Variants in EXT1 observed in about 807,000 individuals in gnomAD.
EXT1 encodes the protein exostosin-1.
Under a neutral mutation model 82.5 loss-of-function variants are expected in EXT1, and 20 were observed. The observed-to-expected ratio is 0.24, with a 90% CI of 0.17 to 0.35. EXT1 has a LOEUF of 0.35. Among genes scored for constraint, EXT1 ranks in the 10% least tolerant of loss-of-function variants. EXT1 has a pLI of 1.00. For missense variants in EXT1, 757 were observed against 936.5 expected (o/e 0.81, Z 2.50); for synonymous variants, 348 against 350.8 (o/e 0.99, Z 0.09).
At chr8:117,836,641 G>A (rs1208448318) in intron 2 of EXT1, among the ~76,000 whole-genome samples, 1 of 151,996 alleles carries the variant, frequency 6.6e-6, no homozygotes, top group East Asian at 1.9e-4. Context: ...GCTGGAGCCA[G>A]GACCTCTGAA....
chr8:117,811,045 T>G (rs939291320), intron 8 of EXT1, among the ~76,000 whole-genome samples: 1 of 152,176 alleles, frequency 6.6e-6, no homozygotes, highest in Non-Finnish European at 1.5e-5. Context: ...AGGAGCTGCT[T>G]CCTGCTGTCA....
intron 1 of EXT1, among the ~76,000 whole-genome samples, chr8:117,977,318 C>T (rs536720346): frequency 4.1e-5 from 6 of 147,278 alleles, no homozygotes; most frequent in Middle Eastern, 3.6e-3. Flanking sequence ...ACCCAGGACG[C>T]GGAGGCTACA....
chr8:117,980,667 G>A (rs1161392628), intron 1 of EXT1, among the ~76,000 whole-genome samples: 1 of 142,886 alleles, frequency 7.0e-6, no homozygotes, highest in African/African-American at 2.5e-5. Context: ...GGTCTTTTAT[G>A]AGGGAAGGTT....
chr8:118,094,229 T>G (rs17431805), intron 1 of EXT1, among the ~76,000 whole-genome samples: 9,515 of 152,232 alleles, frequency 0.063, 399 homozygotes, highest in African/African-American at 0.12. Context: ...AGAACGAATT[T>G]TTTTAAAGAC....
chr8:117,945,947 G>A (rs1045466843), intron 1 of EXT1, among the ~76,000 whole-genome samples: 1 of 152,182 alleles, frequency 6.6e-6, no homozygotes, highest in African/African-American at 2.4e-5. Flanking sequence ...CTTTTGCCCA[G>A]GCTGGAGTGC....
intron 1 of EXT1, among the ~76,000 whole-genome samples, chr8:117,867,855 A>C (rs1018180634): frequency 6.6e-6 from 1 of 152,206 alleles, no homozygotes; most frequent in Admixed American, 6.5e-5. Flanking sequence ...ATGAGCTTGC[A>C]TGACTGCCTC....
chr8:117,830,419 C>A (rs1587001512), intron 3 of EXT1, 70 bp from the exon 4 acceptor site: 1 of 1,572,980 alleles, frequency 6.4e-7, no homozygotes, highest in South Asian at 1.1e-5. Flanking sequence ...CAAAATAACC[C>A]AACTGGGTTA....
At chr8:117,848,477 C>T (rs1460365834) in intron 1 of EXT1, among the ~76,000 whole-genome samples, 1 of 152,172 alleles carries the variant, frequency 6.6e-6, no homozygotes, top group Non-Finnish European at 1.5e-5. Flanking sequence ...CTGGCACTCT[C>T]ATTCTGGAAA....
intron 1 of EXT1, among the ~76,000 whole-genome samples, chr8:117,998,925 C>G (rs1411952335): frequency 1.3e-5 from 2 of 152,174 alleles, no homozygotes; most frequent in Non-Finnish European, 2.9e-5. Context: ...CAAGGTAATA[C>G]CACTAACACG....
rs1422559880 is a variant in EXT1 at position 117,795,263 on chromosome 8, A to T, written c.*4449T>A. On this transcript the variant is annotated 3_prime_UTR_variant, in exon 11 of 11. Coordinates refer to ENST00000378204, the MANE Select transcript of EXT1 (RefSeq NM_000127.3). ...GGTTCCTGATATAAAATGTATTGGA[A>T]CTCTAGACCAGTGACAACTACAATC... The T allele has an allele frequency of 6.6e-6, 1 of 151,946 alleles. No individual in the cohort carries two copies. Among genetic ancestry groups the T allele is most frequent in the Non-Finnish European group, 1.5e-5 (1 of 68,010 alleles). 9.4% of individuals were successfully genotyped at this position (151,946 alleles called of 1,614,324 possible).
intron 1 of EXT1, among the ~76,000 whole-genome samples, chr8:117,858,712 A>AGAAGGAAGGAAG (rs564611274): frequency 2.9e-4 from 19 of 66,172 alleles, no homozygotes; most frequent in East Asian, 9.0e-4. Flanking sequence ...AAGAAAAGAA[A>AGAAGGAAGGAAG]GAAGGAAGGA....
chr8:117,972,046 AG>A (rs1814952061), intron 1 of EXT1, among the ~76,000 whole-genome samples: 1 of 151,802 alleles, frequency 6.6e-6, no homozygotes, highest in Non-Finnish European at 1.5e-5. Context: ...GCTACTCAGG[AG>A]GCTAAGGCAA....
In EXT1 at chr8:117,796,099, C is replaced by T. The variant is rs1823085167; in HGVS notation, c.*3613G>A. 6.6e-6 allele frequency: 1 copy of T among 152,142 alleles called. No individual in the cohort carries two copies. Among genetic ancestry groups the T allele is most frequent in the African/African-American group, 2.4e-5 (1 of 41,436 alleles). The allele number at this position is 152,142 out of a possible 1,614,324, so 9.4% of individuals were successfully genotyped here. The stretch of plus-strand genomic sequence containing the variant: ...AACTGCGGTCCTGATGTACTGGCTG[C>T]ATGTTGATTATATTCACAAGTAAGA... On this transcript the variant is annotated 3_prime_UTR_variant, in exon 11 of 11. Coordinates refer to ENST00000378204, the MANE Select transcript of EXT1 (RefSeq NM_000127.3).
Position 118,071,423 on chromosome 8 carries a change from A to G in EXT1, c.962+38662T>C, listed in dbSNP as rs1302078321. ...ACAAGGCAGAGGTAATGGTGCAGTG[A>G]GTTTTTTACTGTTAAAATCTCCATG... On this transcript the variant is annotated intron_variant, in intron 1 of 10. Transcript: ENST00000378204. Among the ~76,000 whole-genome samples the G allele has an allele frequency of 9.3e-5, 14 of 150,476 alleles. No homozygotes were observed. In the Admixed American group the frequency reaches 9.3e-4, roughly 10 times the overall value.
chr8:118,058,528 G>A (rs976394167), intron 1 of EXT1, among the ~76,000 whole-genome samples: 2 of 152,164 alleles, frequency 1.3e-5, no homozygotes, highest in Non-Finnish European at 1.5e-5. Flanking sequence ...TGATTAAAAA[G>A]AGGCAGACAT....
chr8:117,839,736 C>T (rs542521995), intron 1 of EXT1, among the ~76,000 whole-genome samples: 1 of 152,232 alleles, frequency 6.6e-6, no homozygotes. Context: ...CTCTCCTACT[C>T]AGCCCATTGT....
chr8:117,897,751 C>T (rs891286939), intron 1 of EXT1, among the ~76,000 whole-genome samples: 4 of 151,804 alleles, frequency 2.6e-5, no homozygotes, highest in South Asian at 2.1e-4. Flanking sequence ...CGTACAACCA[C>T]GCCCAGCTAA....
At chr8:117,893,351 C>T (rs1453958172) in intron 1 of EXT1, among the ~76,000 whole-genome samples, 2 of 152,164 alleles carry the variant, frequency 1.3e-5, no homozygotes, top group African/African-American at 4.8e-5. Flanking sequence ...GCCATTTGGA[C>T]AGAAGCAAAG....
chr8:117,990,098 A>T (rs570845828), intron 1 of EXT1, among the ~76,000 whole-genome samples: 34 of 152,258 alleles, frequency 2.2e-4, no homozygotes, highest in South Asian at 8.3e-4. Context: ...ACTTGAGCCC[A>T]GGAGGCAGAG....
Sources: gnomAD v4.1 joint callset for allele counts (sites outside exome capture counted in the v4.1 genomes callset) on GRCh38, gnomAD v4.1.1 for gene constraint, MANE v1.5 for transcripts, NCBI Gene and HGNC (gene_info 2026-07-23, HGNC 2026-07-21) for gene names.